The following IMMP2L variants were observed in gnomAD, a reference collection of about 807,000 sequenced individuals.
IMMP2L encodes the protein mitochondrial inner membrane protease subunit 2.
IMMP2L carries 18 observed loss-of-function variants against 19.3 expected under a neutral mutation model. The ratio of observed to expected loss-of-function variants is 0.93; its 90% CI spans 0.64 to 1.38. IMMP2L has a LOEUF of 1.38. Ranked by LOEUF, IMMP2L falls within the 40% of genes most tolerant of loss-of-function variation. The pLI is 0.00. For synonymous variants in IMMP2L, 76 were observed against 73.0 expected (o/e 1.04, Z -0.21); for missense variants, 233 against 218.2 (o/e 1.07, Z -0.43).
At chr7:110,844,413 G>A (rs1187724896) in intron 5 of IMMP2L, among the ~76,000 whole-genome samples, 1 of 151,956 alleles carries the variant, frequency 6.6e-6, no homozygotes, top group East Asian at 1.9e-4. Context: ...AGCAGCAATT[G>A]CAAAATAATG....
intron 3 of IMMP2L, among the ~76,000 whole-genome samples, chr7:111,322,508 G>A (rs1824837131): frequency 1.3e-5 from 2 of 151,468 alleles, no homozygotes; most frequent in African/African-American, 4.8e-5. Flanking sequence ...TCTCCATTAT[G>A]TAGCTAAGTT....
rs1265704990 is a variant in IMMP2L at position 110,728,876 on chromosome 7, G to A, written c.409-65155C>T. ...ATGGTAATACAAATAGTATATGGTAGAAGTGGGATAAACAGTTGTATTAGT... is the reference window on the plus strand; with the variant it reads ...ATGGTAATACAAATAGTATATGGTAAAAGTGGGATAAACAGTTGTATTAGT... On this transcript the variant is annotated intron_variant, in intron 5 of 5. Transcript: ENST00000405709. This position sits in a 1 kb window ranked among gnomAD's most constrained non-coding sequence, Gnocchi z 4.6. 6.6e-6 allele frequency among the ~76,000 whole-genome samples: 1 copy of A among 152,136 alleles called. No homozygotes were observed. The highest frequency in any genetic ancestry group is 2.4e-5 in the African/African-American group (1 of 41,434).
At chr7:110,933,814 AAC>A (rs769941283) in intron 4 of IMMP2L, among the ~76,000 whole-genome samples, 12 of 152,206 alleles carry the variant, frequency 7.9e-5, no homozygotes, top group Non-Finnish European at 1.6e-4. Flanking sequence ...GATGAAAACA[AAC>A]ACAGAAAAAG....
intron 3 of IMMP2L, among the ~76,000 whole-genome samples, chr7:110,991,037 A>G (rs1408927309): frequency 6.6e-6 from 1 of 152,208 alleles, no homozygotes; most frequent in Non-Finnish European, 1.5e-5. Context: ...AATTAAAAGT[A>G]AATTTCATGA....
intron 3 of IMMP2L, among the ~76,000 whole-genome samples, chr7:111,359,759 C>T (rs990276090): frequency 6.6e-6 from 1 of 151,972 alleles, no homozygotes; most frequent in African/African-American, 2.4e-5. Flanking sequence ...CTCTTTGTTA[C>T]ATAAGCTAGT....
intron 5 of IMMP2L, among the ~76,000 whole-genome samples, chr7:110,732,988 A>G (rs973259766): frequency 3.9e-5 from 6 of 152,056 alleles, no homozygotes; most frequent in African/African-American, 1.4e-4. Context: ...GGGTCTCACT[A>G]TGATTCCCAG....
intron 2 of IMMP2L, among the ~76,000 whole-genome samples, chr7:111,518,757 A>G (rs1014613581): frequency 6.6e-6 from 1 of 152,152 alleles, no homozygotes; most frequent in African/African-American, 2.4e-5. Context: ...ACTGTAAATT[A>G]AATTATCTAT....
At chr7:111,451,455 C>T (rs1369258212) in intron 3 of IMMP2L, among the ~76,000 whole-genome samples, 79 of 147,796 alleles carry the variant, frequency 5.3e-4, no homozygotes, top group Admixed American at 3.9e-3. Flanking sequence ...AGTAAACTAT[C>T]GCAAGAACAA....
rs1832534583 is a variant in IMMP2L at position 111,393,144 on chromosome 7, C to T, written c.239+94094G>A. Among the ~76,000 whole-genome samples, 3 of 152,048 alleles carry T rather than the reference C, an allele frequency of 2.0e-5. No individual in the cohort carries two copies. The South Asian group carries it at 6.3e-4, about 32-fold the overall frequency. ...GGTCTGTTGGGCAACCAGCCTGCAACCTGAAGCTTTTTAAGGGCCCACCAA... is the reference window on the plus strand; with the variant it reads ...GGTCTGTTGGGCAACCAGCCTGCAATCTGAAGCTTTTTAAGGGCCCACCAA... On this transcript the variant is annotated intron_variant, in intron 3 of 5. Transcript: ENST00000405709.
intron 5 of IMMP2L, among the ~76,000 whole-genome samples, chr7:110,771,544 T>C (rs1799033591): frequency 6.6e-6 from 1 of 152,106 alleles, no homozygotes; most frequent in South Asian, 2.1e-4. Flanking sequence ...GGGTCTCAAG[T>C]TCCTTATCGG....
At chr7:111,153,083 G>T (rs1158160460) in intron 3 of IMMP2L, among the ~76,000 whole-genome samples, 1 of 152,034 alleles carries the variant, frequency 6.6e-6, no homozygotes, top group East Asian at 1.9e-4. Flanking sequence ...ATACATGAGG[G>T]GAAAGGAAGC....
chr7:111,466,220 AT>A (rs1198931489), intron 3 of IMMP2L, among the ~76,000 whole-genome samples: 1 of 152,174 alleles, frequency 6.6e-6, no homozygotes, highest in Non-Finnish European at 1.5e-5. Flanking sequence ...GATACACCTA[AT>A]GTTAAATGAC....
At chr7:110,796,700 C>T (rs1409456494) in intron 5 of IMMP2L, among the ~76,000 whole-genome samples, 3 of 151,956 alleles carry the variant, frequency 2.0e-5, no homozygotes, top group South Asian at 2.1e-4. Flanking sequence ...ATTTCACATA[C>T]CAACAAAAAT....
intron 4 of IMMP2L, among the ~76,000 whole-genome samples, chr7:110,889,322 G>A (rs942390943): frequency 6.6e-6 from 1 of 152,140 alleles, no homozygotes; most frequent in Admixed American, 6.5e-5. Context: ...GAATCAGTGG[G>A]AGTCCTGAGC....
At chr7:111,109,602 AC>A (rs1326901191) in intron 3 of IMMP2L, among the ~76,000 whole-genome samples, 2 of 152,194 alleles carry the variant, frequency 1.3e-5, no homozygotes, top group African/African-American at 4.8e-5. Flanking sequence ...AGGAGCCATC[AC>A]TGATAATGCC....
intron 5 of IMMP2L, among the ~76,000 whole-genome samples, chr7:110,797,938 G>A (rs1457057009): frequency 6.6e-6 from 1 of 151,946 alleles, no homozygotes; most frequent in Non-Finnish European, 1.5e-5. Context: ...AAAATTAAAT[G>A]ATGTAGAAGA....
chr7:111,130,310 G>A (rs1274661022), intron 3 of IMMP2L, among the ~76,000 whole-genome samples: 1 of 152,136 alleles, frequency 6.6e-6, no homozygotes, highest in African/African-American at 2.4e-5. Context: ...AAGTGGCCCA[G>A]AGTAACAGCA....
At chr7:110,693,477 C>T (rs1793654157) in intron 5 of IMMP2L, among the ~76,000 whole-genome samples, 1 of 152,166 alleles carries the variant, frequency 6.6e-6, no homozygotes. Flanking sequence ...CATTTGTTCT[C>T]TATCTGTATT....
intron 3 of IMMP2L, among the ~76,000 whole-genome samples, chr7:111,263,923 T>C (rs1220327082): frequency 1.3e-5 from 2 of 152,160 alleles, no homozygotes; most frequent in African/African-American, 4.8e-5. Flanking sequence ...TTTTGCAACA[T>C]GCAGGTTGCT....
Sources: gnomAD v4.1 joint callset for allele counts (sites outside exome capture counted in the v4.1 genomes callset) on GRCh38, gnomAD v4.1.1 for gene constraint, Gnocchi (gnomAD v3.1) non-coding constraint, MANE v1.5 for transcripts, NCBI Gene and HGNC (gene_info 2026-07-23, HGNC 2026-07-21) for gene names.